The following CHAT variants were observed in gnomAD, a reference collection of about 807,000 sequenced individuals.
CHAT encodes choline O-acetyltransferase.
A neutral mutation model predicts 76.9 loss-of-function variants in CHAT; 61 were observed. The observed-to-expected ratio is 0.79, with a 90% CI of 0.65 to 0.98. The LOEUF (loss-of-function observed/expected upper bound fraction) is 0.98. Among genes scored for constraint, CHAT ranks in the 50% least tolerant of loss-of-function variants. CHAT has a pLI of 0.00. For synonymous variants in CHAT, 407 were observed against 397.4 expected, an observed-to-expected ratio of 1.02 and a Z score of -0.29; for missense variants, 946 against 986.9, an observed-to-expected ratio of 0.96 and a Z score of 0.56.
At chr10:49,610,458 A>G (rs1389278568), upstream of CHAT, 1 of 368,048 alleles carries the variant, frequency 2.7e-6, no homozygotes, top group Non-Finnish European at 4.8e-6. Flanking sequence ...AAGTGCGCCC[A>G]GTCTCCGGCC....
rs1838805280 is a variant in CHAT at position 49,623,547 on chromosome 10, A to G, written c.752+1397A>G. On this transcript the variant is annotated intron_variant, in intron 5 of 14. Coordinates refer to ENST00000337653, the MANE Select transcript of CHAT (RefSeq NM_020549.5). ...AAATGTCCTTAGACTATTGGGCAAGACAGTCACTTAAACAGACACAAAATA... is the reference window on the plus strand; with the variant it reads ...AAATGTCCTTAGACTATTGGGCAAGGCAGTCACTTAAACAGACACAAAATA... 2.0e-5 allele frequency among the ~76,000 whole-genome samples: 3 copies of G among 152,324 alleles called. No individual in the cohort carries two copies. In the South Asian group the frequency reaches 6.2e-4, roughly 32 times the overall value.
At chr10:49,632,502 G>A (rs944205612) in intron 7 of CHAT, among the ~76,000 whole-genome samples, 1 of 152,124 alleles carries the variant, frequency 6.6e-6, no homozygotes, top group South Asian at 2.1e-4. Context: ...ACTTCCTGGA[G>A]CCTGGGTACA....
upstream of CHAT, chr10:49,611,673 C>T: frequency 6.2e-7 from 1 of 1,611,380 alleles, no homozygotes; most frequent in Non-Finnish European, 8.5e-7. Flanking sequence ...TCGAACCCAC[C>T]ATTGCCACGT....
rs1564491925 is a variant in CHAT, at chr10:49,652,012, T to C, written c.1634+6T>C. On this transcript the variant is annotated splice_donor_region_variant and intron_variant, in intron 11 of 14. Coordinates refer to ENST00000337653, the MANE Select transcript of CHAT (RefSeq NM_020549.5). The stretch of plus-strand genomic sequence containing the variant: ...CTCCAGCTGGCCTTCTACAGGTGAG[T>C]GAAGGTGGAGTGAGTCTGTACCCTG... The C allele has an allele frequency of 6.2e-7, 1 of 1,613,672 alleles. No homozygotes were observed. The highest frequency in any genetic ancestry group is 1.7e-5 in the Admixed American group (1 of 59,988).
At chr10:49,630,886 C>T (rs1364444821) in intron 7 of CHAT, among the ~76,000 whole-genome samples, 3 of 151,950 alleles carry the variant, frequency 2.0e-5, no homozygotes, top group Non-Finnish European at 2.9e-5. Context: ...AGATAAGAGG[C>T]GGGCAGTTGG....
intron 7 of CHAT, 84 bp downstream of exon 7, chr10:49,627,869 C>A (rs112704571): frequency 6.8e-7 from 1 of 1,464,696 alleles, no homozygotes; most frequent in Non-Finnish European, 9.3e-7. Context: ...TGGGCCAGGG[C>A]CTCATCCCCA....
intron 2 of CHAT, among the ~76,000 whole-genome samples, chr10:49,616,849 C>T (rs1437459956): frequency 6.6e-6 from 1 of 152,218 alleles, no homozygotes; most frequent in Non-Finnish European, 1.5e-5. Flanking sequence ...AATCCCCTGG[C>T]CAGGCTAGGC....
In CHAT at chr10:49,619,823, C is replaced by A. The variant is rs2132710676; in HGVS notation, c.486C>A (p.Ser162Arg). 2 of 1,613,962 alleles carry A rather than the reference C, an allele frequency of 1.2e-6. No individual in the cohort carries two copies. Among genetic ancestry groups the A allele is most frequent in the African/African-American group, 2.7e-5 (2 of 75,032 alleles). Residue 162 changes from serine to arginine, a missense_variant, in exon 3 of 15, where the codon AGC (serine) becomes AGA (arginine). Physicochemically the swap from Ser to Arg is moderately radical, Grantham distance 110 (BLOSUM62 -1). This residue lies in a region of CHAT where 548 missense variants were observed against 516.2 expected (regional missense o/e 1.06). Coordinates refer to ENST00000337653, the MANE Select transcript of CHAT (RefSeq NM_020549.5). ...HLVSEEQFRK[S>R]QAIVQQFGAP... is the part of the protein sequence containing the mutation. ...TGTCTGAGGAGCAGTTCAGGAAGAG[C>A]CAGGCCATTGTGCAGCAGTTTGGGG...
chr10:49,613,798 C>A (rs751739392), upstream of CHAT, among the ~76,000 whole-genome samples: 15 of 152,136 alleles, frequency 9.9e-5, no homozygotes, highest in Non-Finnish European at 1.5e-4. Flanking sequence ...TGCTCCCCAC[C>A]CCATAGTGCC....
chr10:49,646,825 G>T, intron 8 of CHAT, 151 bp downstream of exon 8: 1 of 836,984 alleles, frequency 1.2e-6, no homozygotes, highest in Non-Finnish European at 1.9e-6. Context: ...GGCTGGGTCT[G>T]AGGGGTCAGG....
chr10:49,627,642 G>C lies in CHAT; in HGVS notation c.968G>C (p.Arg323Pro), dbSNP rs200176236. 6.2e-7 allele frequency: 1 copy of C among 1,613,994 alleles called. No homozygotes were observed. Among genetic ancestry groups the C allele is most frequent in the African/African-American group, 1.3e-5 (1 of 74,914 alleles). Residue 323 changes from arginine (R) to proline (P), a missense_variant, in exon 7 of 15, where the codon CGT (arginine) becomes CCT (proline). Physicochemically the swap from Arg to Pro is moderately radical, Grantham distance 103. Coordinates refer to ENST00000337653, the MANE Select transcript of CHAT (RefSeq NM_020549.5). ...FVLDVVINFR[R>P]LSEGDLFTQL... Reference sequence around the variant, plus strand: ...TTGGATGTTGTCATTAATTTCCGCCGTCTCAGTGAGGGGGATCTGTTCACT... The same window carrying C: ...TTGGATGTTGTCATTAATTTCCGCCCTCTCAGTGAGGGGGATCTGTTCACT...
At chr10:49,624,660 G>A (rs1838848564) in intron 5 of CHAT, among the ~76,000 whole-genome samples, 1 of 152,208 alleles carries the variant, frequency 6.6e-6, no homozygotes, top group South Asian at 2.1e-4. Context: ...ATGGTGCCTG[G>A]CCTATACGGA....
In CHAT at chr10:49,646,578, C is replaced by G. The variant is rs1475894058; in HGVS notation, c.1185C>G (p.Gly395=). ...ICLVCLDAPG[G]VELSDTHRAL... The stretch of plus-strand genomic sequence containing the variant: ...TTGTATGCCTGGACGCGCCAGGAGG[C>G]GTGGAGCTCAGCGACACCCACAGGG... The change falls in exon 8 of 15, where the codon GGC becomes GGG. Residue 395 remains glycine, a synonymous_variant. Coordinates refer to ENST00000337653, the MANE Select transcript of CHAT (RefSeq NM_020549.5). 3 of 1,614,082 alleles carry G rather than the reference C, an allele frequency of 1.9e-6. No homozygotes were observed. The highest frequency in any genetic ancestry group is 2.5e-6 in the Non-Finnish European group (3 of 1,180,028).
intron 2 of CHAT, among the ~76,000 whole-genome samples, chr10:49,616,844 C>T (rs1321376507): frequency 6.6e-6 from 1 of 152,220 alleles, no homozygotes; most frequent in Non-Finnish European, 1.5e-5. Flanking sequence ...TTCCAAATCC[C>T]CTGGCCAGGC....
intron 7 of CHAT, 38 bp from the exon 8 acceptor site, chr10:49,646,467 C>A (rs371907121): frequency 2.3e-4 from 378 of 1,612,312 alleles, no homozygotes; most frequent in Non-Finnish European, 3.1e-4. Flanking sequence ...TGGCCTGGAG[C>A]GGGACAGGTG....
At chr10:49,641,821 G>A (rs1839490639) in intron 7 of CHAT, among the ~76,000 whole-genome samples, 2 of 152,274 alleles carry the variant, frequency 1.3e-5, no homozygotes, top group African/African-American at 2.4e-5. Flanking sequence ...GCAAGCAAAG[G>A]CAAGTGTCCC....
Position 49,664,948 on chromosome 10 carries a change from G to A in CHAT, c.2149G>A (p.Asp717Asn). 1 of 1,614,224 alleles carries A rather than the reference G, an allele frequency of 6.2e-7. No homozygotes were observed. The change falls in exon 15 of 15, where the codon GAC (aspartate) becomes AAC (asparagine). Residue 717 changes from aspartate to asparagine, a missense_variant. By Grantham distance (23) the Asp-to-Asn change is conservative. This residue lies in a region of CHAT where 349 missense variants were observed against 393.9 expected (regional missense o/e 0.89). Coordinates refer to ENST00000337653, the MANE Select transcript of CHAT (RefSeq NM_020549.5). ...AAAAGCTGTGGAAGAAAGCCTCATT[G>A]ACATGAGAGACCTCTGCAGTCTGCT... ...FAKAVEESLI[D>N]MRDLCSLLPP...
rs114736495 is a variant in CHAT at position 49,623,798 on chromosome 10, C to G, written c.752+1648C>G. 5.8e-3 allele frequency among the ~76,000 whole-genome samples: 886 copies of G among 152,300 alleles called. 5 individuals carry two copies. The highest frequency in any genetic ancestry group is 0.02 in the African/African-American group (838 of 41,556). On this transcript the variant is annotated intron_variant, in intron 5 of 14. Coordinates refer to ENST00000337653, the MANE Select transcript of CHAT (RefSeq NM_020549.5). The stretch of plus-strand genomic sequence containing the variant: ...GTCACCTGTGCTTGTTCTGCTTTCT[C>G]CCTTGCACCTTCATGTAACCCATGG...
chr10:49,614,032 C>G, upstream of CHAT: 1 of 1,333,704 alleles, frequency 7.5e-7, no homozygotes, highest in Non-Finnish European at 1.0e-6. Flanking sequence ...AGTGCGGTGA[C>G]TGGGAAATGC....
Sources: allele counts gnomAD v4.1 joint callset (sites outside exome capture counted in the v4.1 genomes callset), GRCh38; gene constraint gnomAD v4.1.1; regional missense constraint gnomAD v4.1.1; transcripts MANE v1.5; gene names NCBI Gene and HGNC (gene_info 2026-07-23, HGNC 2026-07-21).